The following PELI2 variants were observed in gnomAD, a reference collection of about 807,000 sequenced individuals.
PELI2 encodes the protein E3 ubiquitin-protein ligase pellino homolog 2.
Under a neutral mutation model 42.3 loss-of-function variants are expected in PELI2, and 23 were observed. The ratio of observed to expected loss-of-function variants is 0.54; its 90% confidence interval spans 0.39 to 0.77. The LOEUF is 0.77. Ranked by LOEUF, PELI2 falls within the 30% of genes least tolerant of loss-of-function variation. The probability of loss-of-function intolerance (pLI) is 0.00; values close to 1 mark genes in which losing one functional copy is unlikely to be tolerated. For synonymous variants in PELI2, 245 were observed against 212.2 expected, an observed-to-expected ratio of 1.15 and a Z score of -1.34; for missense variants, 463 against 553.2, an observed-to-expected ratio of 0.84 and a Z score of 1.64.
At chr14:56,149,062 A>G (rs1884239863) in intron 1 of PELI2, among the ~76,000 whole-genome samples, 1 of 152,214 alleles carries the variant, frequency 6.6e-6, no homozygotes, top group South Asian at 2.1e-4. Flanking sequence ...TTGTTTCAGT[A>G]ATCCAAGCTC....
chr14:56,133,380 G>A (rs949124860), intron 1 of PELI2, among the ~76,000 whole-genome samples: 7 of 152,182 alleles, frequency 4.6e-5, no homozygotes, highest in African/African-American at 1.7e-4. Context: ...GTCTCTGTAT[G>A]TTTTAACAGG....
At position 56,264,912 on chromosome 14, in the gene PELI2, T is replaced by C. The variant is rs893447045; in HGVS notation, c.208-14764T>C. Among the ~76,000 whole-genome samples the C allele has an allele frequency of 5.9e-5, 9 of 152,132 alleles. No individual in the cohort carries two copies. The East Asian group carries it at 1.5e-3, about 26-fold the overall frequency. On this transcript the variant is annotated intron_variant, in intron 2 of 5. Coordinates refer to ENST00000267460, the MANE Select transcript of PELI2 (RefSeq NM_021255.3). ...AGAATATAACTGTGAATGATGAGAA[T>C]TGACTGCACTTAGGGATAAATCTAA...
intron 2 of PELI2, among the ~76,000 whole-genome samples, chr14:56,248,290 T>G (rs543726763): frequency 6.6e-6 from 1 of 152,176 alleles, no homozygotes; most frequent in Non-Finnish European, 1.5e-5. Context: ...ATGAGAACAT[T>G]AAGTTTCGCG....
At chr14:56,128,992 G>T (rs570082612) in intron 1 of PELI2, among the ~76,000 whole-genome samples, 6 of 152,232 alleles carry the variant, frequency 3.9e-5, no homozygotes, top group African/African-American at 1.4e-4. Flanking sequence ...GTACCTGAAG[G>T]CACATCGAGA....
intron 2 of PELI2, among the ~76,000 whole-genome samples, chr14:56,241,951 G>C (rs1204566884): frequency 6.6e-6 from 1 of 152,156 alleles, no homozygotes; most frequent in Non-Finnish European, 1.5e-5. Context: ...TAAAGAGGAA[G>C]ACAAGTGATG....
intron 2 of PELI2, among the ~76,000 whole-genome samples, chr14:56,223,377 A>G (rs1887221001): frequency 2.6e-5 from 4 of 152,108 alleles, no homozygotes; most frequent in African/African-American, 7.2e-5. Flanking sequence ...GAGCTTTGAC[A>G]TTCTCCCCCT....
rs55861626 is a variant in PELI2 at position 56,197,916 on chromosome 14, GACACACAC to G, written c.207+19477_207+19484del. On this transcript the variant is annotated intron_variant, in intron 2 of 5. Coordinates refer to ENST00000267460, the MANE Select transcript of PELI2 (RefSeq NM_021255.3). This position sits in a 1 kb window ranked among gnomAD's most constrained non-coding sequence, Gnocchi z 4.9. ...CACACCAGGAATGGTGACTGGTGAA[GACACACAC>G]ACACACACACACACACACACACACC... Among the ~76,000 whole-genome samples the G allele has an allele frequency of 0.027, 3,794 of 138,074 alleles. 75 individuals are homozygous for G. Among genetic ancestry groups the G allele is most frequent in the East Asian group, 0.12 (531 of 4,556 alleles). 90.6% of individuals were successfully genotyped at this position (138,074 alleles called of 152,430 possible).
rs117989874 is a variant in PELI2, at chr14:56,288,155, A to G, written c.310-282A>G. 2.6e-4 allele frequency among the ~76,000 whole-genome samples: 40 copies of G among 152,340 alleles called. No homozygotes were observed. The East Asian group carries it at 7.5e-3, about 29-fold the overall frequency. ...TGCACCGTTCTGCCTGTAGTCAACA[A>G]TGACTGCATTATGTGCTCAAATATT... On this transcript the variant is annotated intron_variant, in intron 3 of 5. Coordinates refer to ENST00000267460, the MANE Select transcript of PELI2 (RefSeq NM_021255.3). This position sits in a 1 kb window ranked among gnomAD's most constrained non-coding sequence, Gnocchi z 4.6.
chr14:56,190,511 A>AC lies in PELI2; in HGVS notation c.207+12052dup. ...CAGGACATTATCAATACCCTCAAAG[A>AC]CCCCCTTGCTCCCAGTTACTCTCCC... On this transcript the variant is annotated intron_variant, in intron 2 of 5. Coordinates refer to ENST00000267460, the MANE Select transcript of PELI2 (RefSeq NM_021255.3). Among the ~76,000 whole-genome samples the AC allele has an allele frequency of 1.3e-5, 2 of 152,012 alleles. 1 individual carries two copies. Among genetic ancestry groups the AC allele is most frequent in the East Asian group, 3.9e-4 (2 of 5,150 alleles).
At chr14:56,118,801 G>A (rs1445936408) in intron 1 of PELI2, 64 bp downstream of exon 1, 23 of 1,154,742 alleles carry the variant, frequency 2.0e-5, no homozygotes, top group Middle Eastern at 6.1e-4. Context: ...ATCCTGGAGC[G>A]GGGCTGGCGG....
chr14:56,240,938 A>G (rs529100911), intron 2 of PELI2, among the ~76,000 whole-genome samples: 33 of 152,268 alleles, frequency 2.2e-4, no homozygotes, highest in African/African-American at 7.9e-4. Flanking sequence ...ATTCCACTGC[A>G]TTATCTTTAT....
intron 2 of PELI2, among the ~76,000 whole-genome samples, chr14:56,264,785 G>A (rs1888838670): frequency 6.6e-6 from 1 of 152,166 alleles, no homozygotes; most frequent in Non-Finnish European, 1.5e-5. Flanking sequence ...TTGATCATTT[G>A]ACAAAAATGT....
chr14:56,166,996 A>G (rs11625094), intron 1 of PELI2, among the ~76,000 whole-genome samples: 3 of 151,824 alleles, frequency 2.0e-5, no homozygotes, highest in Non-Finnish European at 4.4e-5. Context: ...TCACCATGTT[A>G]GCCAGGATGG....
chr14:56,275,198 T>G (rs1889248489), intron 2 of PELI2, among the ~76,000 whole-genome samples: 1 of 152,094 alleles, frequency 6.6e-6, no homozygotes, highest in Admixed American at 6.5e-5. Context: ...AGAACAGAGG[T>G]GGCGACCTGC....
chr14:56,177,790 G>A (rs540104849), intron 1 of PELI2, among the ~76,000 whole-genome samples: 12 of 152,284 alleles, frequency 7.9e-5, no homozygotes, highest in South Asian at 2.1e-4. Context: ...ATCTGACAGC[G>A]TAGGGTTCAA....
intron 2 of PELI2, among the ~76,000 whole-genome samples, chr14:56,252,691 G>T (rs78959211): frequency 2.6e-5 from 4 of 152,162 alleles, no homozygotes; most frequent in East Asian, 1.9e-4. Flanking sequence ...TCAATAACAA[G>T]TTCTGAAATT....
At chr14:56,279,458 A>G (rs774958574) in intron 2 of PELI2, among the ~76,000 whole-genome samples, 14 of 152,180 alleles carry the variant, frequency 9.2e-5, no homozygotes, top group Non-Finnish European at 1.0e-4. Flanking sequence ...TTAATAAAAT[A>G]TTGTTCACTT....
chr14:56,205,919 A>T lies in PELI2; in HGVS notation c.207+27455A>T, dbSNP rs561000129. ...GCTCTAAGTATCATGGGTATCTAAG[A>T]GGGTAATTGGAGAGTTGGATTTTTT... On this transcript the variant is annotated intron_variant, in intron 2 of 5. Transcript: ENST00000267460. 5.3e-5 allele frequency among the ~76,000 whole-genome samples: 8 copies of T among 152,264 alleles called. No individual in the cohort carries two copies. In the South Asian group the frequency reaches 1.2e-3, roughly 24 times the overall value.
intron 1 of PELI2, among the ~76,000 whole-genome samples, chr14:56,164,546 T>A (rs1884882299): frequency 6.6e-6 from 1 of 152,166 alleles, no homozygotes; most frequent in East Asian, 1.9e-4. Flanking sequence ...AGGGAAATAT[T>A]GGCCTCATAG....
Sources: allele counts gnomAD v4.1 joint callset (sites outside exome capture counted in the v4.1 genomes callset), GRCh38; gene constraint gnomAD v4.1.1; non-coding constraint Gnocchi (gnomAD v3.1); transcripts MANE v1.5; gene names NCBI Gene and HGNC (gene_info 2026-07-23, HGNC 2026-07-21).